The following MYO3A variants were observed in gnomAD, a reference collection of about 807,000 sequenced individuals.
The protein encoded by MYO3A is myosin-IIIa.
Under a neutral mutation model 192.7 loss-of-function variants are expected in MYO3A, and 180 were observed. That is an observed-to-expected ratio of 0.93 (90% CI 0.83 to 1.06). The LOEUF is 1.06. MYO3A is among the 50% of genes least tolerant of loss of function. MYO3A has a pLI of 0.00. For synonymous variants in MYO3A, 628 were observed against 645.3 expected, an observed-to-expected ratio of 0.97 and a Z score of 0.41; for missense variants, 1,896 against 1,905.0, an observed-to-expected ratio of 1.00 and a Z score of 0.09.
chr10:26,178,247 G>T (rs1295861187), intron 31 of MYO3A, among the ~76,000 whole-genome samples: 1 of 152,206 alleles, frequency 6.6e-6, no homozygotes, highest in African/African-American at 2.4e-5. Context: ...CTCACCCCAG[G>T]CCGCTGCTGG....
chr10:25,961,552 T>C (rs1278008316), intron 4 of MYO3A, among the ~76,000 whole-genome samples: 2 of 152,100 alleles, frequency 1.3e-5, no homozygotes, highest in East Asian at 3.9e-4. Context: ...GAAATATCTC[T>C]AAATGACTTT....
chr10:26,014,091 T>A (rs189244945), intron 6 of MYO3A, among the ~76,000 whole-genome samples: 1 of 151,986 alleles, frequency 6.6e-6, no homozygotes, highest in East Asian at 1.9e-4. Context: ...ATTACATACA[T>A]GTGTGATGTA....
chr10:25,941,827 A>G (rs187014139), intron 2 of MYO3A, among the ~76,000 whole-genome samples: 4 of 152,256 alleles, frequency 2.6e-5, no homozygotes, highest in African/African-American at 9.6e-5. Flanking sequence ...TGACTATTTT[A>G]AACATCTCAT....
intron 20 of MYO3A, among the ~76,000 whole-genome samples, chr10:26,136,450 C>G (rs1324013149): frequency 6.6e-6 from 1 of 152,198 alleles, no homozygotes; most frequent in African/African-American, 2.4e-5. Flanking sequence ...ATATACCAGC[C>G]TTTTATAAAA....
intron 25 of MYO3A, among the ~76,000 whole-genome samples, chr10:26,155,170 A>G (rs945224166): frequency 6.6e-6 from 1 of 152,388 alleles, no homozygotes; most frequent in Middle Eastern, 3.4e-3. Context: ...GAATGATTTT[A>G]GAGTAGACAG....
intron 14 of MYO3A, among the ~76,000 whole-genome samples, chr10:26,075,839 A>C (rs12768470): frequency 2.0e-5 from 3 of 149,602 alleles, no homozygotes; most frequent in African/African-American, 7.4e-5. Flanking sequence ...TATGATATAT[A>C]TGTGTCTCTC....
chr10:26,102,158 C>T (rs1396262593), intron 17 of MYO3A, among the ~76,000 whole-genome samples: 2 of 152,178 alleles, frequency 1.3e-5, no homozygotes, highest in African/African-American at 4.8e-5. Flanking sequence ...GATCTTCAAT[C>T]ACTGATACTC....
intron 15 of MYO3A, among the ~76,000 whole-genome samples, chr10:26,092,006 A>C (rs1836729836): frequency 6.6e-6 from 1 of 152,234 alleles, no homozygotes; most frequent in South Asian, 2.1e-4. Context: ...CTAGTCTCTC[A>C]TGAAAGTAGG....
intron 20 of MYO3A, among the ~76,000 whole-genome samples, chr10:26,135,799 C>A (rs1426289031): frequency 6.6e-6 from 1 of 151,780 alleles, no homozygotes; most frequent in Non-Finnish European, 1.5e-5. Flanking sequence ...CACCTCATCT[C>A]TACTAAAAAT....
intron 10 of MYO3A, among the ~76,000 whole-genome samples, chr10:26,046,110 AC>A (rs1843625887): frequency 6.6e-6 from 1 of 152,068 alleles, no homozygotes; most frequent in Admixed American, 6.5e-5. Flanking sequence ...ACTTAATCAA[AC>A]CCAAGGAGAC....
chr10:26,123,874 G>A (rs1183661411), intron 18 of MYO3A, among the ~76,000 whole-genome samples: 6 of 152,100 alleles, frequency 3.9e-5, no homozygotes, highest in Admixed American at 1.3e-4. Context: ...TGCAGTGAGC[G>A]GAGATCGTGC....
intron 2 of MYO3A, among the ~76,000 whole-genome samples, chr10:25,945,792 T>A (rs1247972130): frequency 1.3e-5 from 2 of 152,190 alleles, no homozygotes; most frequent in Non-Finnish European, 2.9e-5. Flanking sequence ...TGGTTGTTTT[T>A]CGATGTTATA....
chr10:25,942,073 A>T (rs12260850), intron 2 of MYO3A, among the ~76,000 whole-genome samples: 3,387 of 149,530 alleles, frequency 0.023, 155 homozygotes, highest in African/African-American at 0.079. Context: ...ATGAGTTCAG[A>T]TCACTGCAAT....
intron 4 of MYO3A, among the ~76,000 whole-genome samples, chr10:25,995,817 G>A (rs538219419): frequency 5.3e-4 from 81 of 152,332 alleles, no homozygotes; most frequent in African/African-American, 1.8e-3. Context: ...GCAGAACAGC[G>A]AATATTGCTG....
At chr10:25,937,989 C>G (rs946688) in intron 2 of MYO3A, among the ~76,000 whole-genome samples, 12,341 of 152,228 alleles carry the variant, frequency 0.081, 647 homozygotes, top group African/African-American at 0.14. Context: ...ACCCATTCCT[C>G]TGTTTTAATG....
At chr10:26,093,170 A>C (rs1836804076) in intron 15 of MYO3A, among the ~76,000 whole-genome samples, 1 of 152,214 alleles carries the variant, frequency 6.6e-6, no homozygotes, top group Non-Finnish European at 1.5e-5. Flanking sequence ...TACAATGTAC[A>C]ATTAGTGTAC....
intron 26 of MYO3A, among the ~76,000 whole-genome samples, chr10:26,160,384 G>A (rs141187411): frequency 7.2e-5 from 11 of 152,314 alleles, no homozygotes; most frequent in African/African-American, 1.7e-4. Flanking sequence ...TGATGAGAGA[G>A]GATATCAAGA....
intron 2 of MYO3A, among the ~76,000 whole-genome samples, chr10:25,944,892 C>A (rs1836740988): frequency 6.6e-6 from 1 of 151,958 alleles, no homozygotes; most frequent in East Asian, 1.9e-4. Flanking sequence ...TTTATCTCTG[C>A]TGCATCTTCA....
chr10:25,998,630 A>C (rs1306292904), intron 6 of MYO3A, among the ~76,000 whole-genome samples: 1 of 152,110 alleles, frequency 6.6e-6, no homozygotes, highest in Non-Finnish European at 1.5e-5. Context: ...AATTTTGTCT[A>C]CCCTGTAAGA....
Sources: allele counts gnomAD v4.1 joint callset (sites outside exome capture counted in the v4.1 genomes callset), GRCh38; gene constraint gnomAD v4.1.1; transcripts MANE v1.5; gene names NCBI Gene and HGNC (gene_info 2026-07-23, HGNC 2026-07-21).